PTPRN2: variants seen among roughly 807,000 people sequenced by gnomAD.
The protein encoded by PTPRN2 is protein tyrosine phosphatase receptor type N2, also known as receptor-type tyrosine-protein phosphatase N2.
A neutral mutation model predicts 118.8 loss-of-function variants in PTPRN2; 74 were observed. The ratio of observed to expected loss-of-function variants is 0.62; its 90% CI spans 0.52 to 0.76. The LOEUF (loss-of-function observed/expected upper bound fraction) is 0.76. Among genes scored for constraint, PTPRN2 ranks in the 30% least tolerant of loss-of-function variants. The pLI is 0.00. For missense variants in PTPRN2, 1,481 were observed against 1,394.4 expected (o/e 1.06, Z -0.99); for synonymous variants, 641 against 608.0 (o/e 1.05, Z -0.80).
rs950367139 is a variant in PTPRN2 at position 157,869,209 on chromosome 7, C to G, written c.1788+29464G>C. 1.3e-5 allele frequency: 2 copies of G among 152,164 alleles called. No individual in the cohort carries two copies. Among genetic ancestry groups the G allele is most frequent in the African/African-American group, 4.8e-5 (2 of 41,442 alleles). The allele number at this position is 152,164 out of a possible 1,614,324, so 9.4% of individuals were successfully genotyped here. On this transcript the variant is annotated intron_variant, in intron 12 of 22. Coordinates refer to ENST00000389418, the MANE Select transcript of PTPRN2 (RefSeq NM_002847.5). This position sits in a 1 kb window ranked among gnomAD's most constrained non-coding sequence, Gnocchi z 4.2. ...AGGGTCCTAAGCGTGTGCTTAGGTA[C>G]TTGCAGAGCCTCCCAGCATGGGAGG...
At chr7:158,239,670 C>T (rs1327825007) in intron 3 of PTPRN2, among the ~76,000 whole-genome samples, 1 of 152,218 alleles carries the variant, frequency 6.6e-6, no homozygotes, top group East Asian at 1.9e-4. Context: ...CGCCCTTCTC[C>T]CAGCAGCCCC....
At chr7:158,176,452 C>A (rs937696666) in intron 5 of PTPRN2, among the ~76,000 whole-genome samples, 2 of 152,194 alleles carry the variant, frequency 1.3e-5, no homozygotes, top group Admixed American at 6.5e-5. Flanking sequence ...TAAGATGCAG[C>A]CCTTCTCCCT....
chr7:157,812,427 G>T (rs913159808), intron 12 of PTPRN2, among the ~76,000 whole-genome samples: 1 of 152,006 alleles, frequency 6.6e-6, no homozygotes, highest in African/African-American at 2.4e-5. Flanking sequence ...ACAAAGGAGA[G>T]AATTCTGAGG....
In PTPRN2 at chr7:157,764,232, A is replaced by G. The variant is rs1413289119; in HGVS notation, c.1789-81295T>C. ...GACCCAGCAGTTCCACCAGGGGCAT[A>G]TGCCCAAAAGCACCGAATGCAGTGA... On this transcript the variant is annotated intron_variant, in intron 12 of 22. Transcript: ENST00000389418. The surrounding 1 kb of genome is among the most constrained non-coding windows in gnomAD (Gnocchi z 4.5). Among the ~76,000 whole-genome samples, 1 of 152,242 alleles carries G rather than the reference A, an allele frequency of 6.6e-6. No homozygotes were observed. The highest frequency in any genetic ancestry group is 6.5e-5 in the Admixed American group (1 of 15,286).
chr7:158,085,956 C>T (rs1284116984), intron 10 of PTPRN2, among the ~76,000 whole-genome samples: 1 of 152,112 alleles, frequency 6.6e-6, no homozygotes, highest in East Asian at 1.9e-4. Context: ...ACACGACGCC[C>T]ATCCACACAC....
chr7:158,503,097 C>T (rs1375806123), intron 1 of PTPRN2, among the ~76,000 whole-genome samples: 1 of 149,318 alleles, frequency 6.7e-6, no homozygotes, highest in Non-Finnish European at 1.5e-5. Context: ...CTGTGTCCAT[C>T]AACTACTGTG....
At chr7:158,270,849 A>G (rs190107839) in intron 3 of PTPRN2, among the ~76,000 whole-genome samples, 3,171 of 7,776 alleles carry the variant, frequency 0.41, 420 homozygotes, top group African/African-American at 0.52. Context: ...CCTCACCTGG[A>G]CCGCCCCCCC....
chr7:157,833,522 C>T (rs1807726128), intron 12 of PTPRN2, among the ~76,000 whole-genome samples: 1 of 149,994 alleles, frequency 6.7e-6, no homozygotes, highest in African/African-American at 2.5e-5. Context: ...GCCCATCCAT[C>T]CTGTATGACG....
At chr7:157,937,429 C>T (rs111683818) in intron 11 of PTPRN2, among the ~76,000 whole-genome samples, 2 of 152,218 alleles carry the variant, frequency 1.3e-5, no homozygotes, top group Non-Finnish European at 2.9e-5. Context: ...AATAGGCAAG[C>T]CCTTGATGTC....
At chr7:157,733,113 T>G (rs1181345553) in intron 12 of PTPRN2, among the ~76,000 whole-genome samples, 1 of 38,016 alleles carries the variant, frequency 2.6e-5, no homozygotes, top group Non-Finnish European at 5.0e-5. Context: ...CAGTTACTCT[T>G]TCCCGTCCCA....
At chr7:158,120,040 A>G (rs1817030578) in intron 9 of PTPRN2, among the ~76,000 whole-genome samples, 1 of 152,222 alleles carries the variant, frequency 6.6e-6, no homozygotes, top group African/African-American at 2.4e-5. Flanking sequence ...AGAAATTCAG[A>G]CACATGCGAC....
intron 2 of PTPRN2, among the ~76,000 whole-genome samples, chr7:158,323,245 A>C (rs1265802479): frequency 6.6e-6 from 1 of 151,866 alleles, no homozygotes; most frequent in Non-Finnish European, 1.5e-5. Context: ...GGGGCCTCAC[A>C]CCCCCAGAGT....
chr7:158,009,429 T>C (rs1805885791), intron 11 of PTPRN2, among the ~76,000 whole-genome samples: 1 of 152,046 alleles, frequency 6.6e-6, no homozygotes, highest in Non-Finnish European at 1.5e-5. Context: ...TAAATGCAAA[T>C]GAAGCCGATT....
intron 11 of PTPRN2, among the ~76,000 whole-genome samples, chr7:158,063,768 G>A (rs757622625): frequency 6.6e-6 from 1 of 152,138 alleles, no homozygotes; most frequent in Non-Finnish European, 1.5e-5. Context: ...TCACTGCAAG[G>A]GTCCGTGGCT....
intron 17 of PTPRN2, among the ~76,000 whole-genome samples, chr7:157,586,648 C>T (rs1216799247): frequency 6.7e-6 from 1 of 149,426 alleles, no homozygotes; most frequent in African/African-American, 2.5e-5. Context: ...CTGGACGCCA[C>T]GTCTGTCCTG....
intron 2 of PTPRN2, among the ~76,000 whole-genome samples, chr7:158,355,603 C>T (rs189651376): frequency 7.9e-5 from 12 of 152,330 alleles, no homozygotes; most frequent in African/African-American, 2.9e-4. Context: ...CCCAGAAGCA[C>T]GCAGTGGAGA....
intron 3 of PTPRN2, among the ~76,000 whole-genome samples, chr7:158,221,224 G>C (rs1386747015): frequency 1.3e-5 from 2 of 151,950 alleles, no homozygotes; most frequent in Non-Finnish European, 2.9e-5. Context: ...ATTTAAGATG[G>C]CTTAAAGATT....
rs1474872412 is a variant in PTPRN2 at position 158,312,073 on chromosome 7, ACACG to A, written c.277+4742_277+4745del. On this transcript the variant is annotated intron_variant, in intron 3 of 22. Transcript: ENST00000389418. ...CACACGTGCTCACATGTAGACACAC[ACACG>A]TGCACTCATTCACATGCTCACATGT... Among the ~76,000 whole-genome samples, 12 of 106,556 alleles carry A rather than the reference ACACG, an allele frequency of 1.1e-4. No individual in the cohort carries two copies. The South Asian group carries it at 2.0e-3, about 18-fold the overall frequency. The allele number at this position is 106,556 out of a possible 152,430, so 69.9% of individuals were successfully genotyped here.
Position 157,617,077 on chromosome 7 carries a change from ACGGG to A in PTPRN2, c.2344+4281_2344+4284del, listed in dbSNP as rs912307293. ...CTGGGGAGTCTGGATTTCAGCTCTG[ACGGG>A]CGGGCTCTAAACCCCAAAGTTCTTG... On this transcript the variant is annotated intron_variant, in intron 15 of 22. Coordinates refer to ENST00000389418, the MANE Select transcript of PTPRN2 (RefSeq NM_002847.5). This position sits in a 1 kb window ranked among gnomAD's most constrained non-coding sequence, Gnocchi z 7.5. 1.3e-5 allele frequency: 2 copies of A among 152,264 alleles called. No individual in the cohort carries two copies. Among genetic ancestry groups the A allele is most frequent in the Admixed American group, 1.3e-4 (2 of 15,278 alleles). The allele number at this position is 152,264 out of a possible 1,614,324, so 9.4% of individuals were successfully genotyped here.
Sources: gnomAD v4.1 joint callset for allele counts (sites outside exome capture counted in the v4.1 genomes callset) on GRCh38, gnomAD v4.1.1 for gene constraint, Gnocchi (gnomAD v3.1) non-coding constraint, MANE v1.5 for transcripts, NCBI Gene and HGNC (gene_info 2026-07-23, HGNC 2026-07-21) for gene names.